KLF12: variants seen among roughly 807,000 people sequenced by gnomAD.
KLF12 encodes the protein Krueppel-like factor 12.
KLF12 carries 9 observed loss-of-function variants against 37.8 expected under a neutral mutation model. The observed-to-expected ratio is 0.24, with a 90% CI of 0.14 to 0.42. The LOEUF (loss-of-function observed/expected upper bound fraction) is 0.42, where lower values mean the gene tolerates loss of function less well. KLF12 is among the 10% of genes least tolerant of loss of function. KLF12 has a pLI of 1.00. For missense variants in KLF12, 411 were observed against 516.0 expected (o/e 0.80, Z 1.97); for synonymous variants, 208 against 202.1 (o/e 1.03, Z -0.25).
At chr13:74,163,242 A>G in the KLF12 span, among the ~76,000 whole-genome samples, 2 of 152,218 alleles carry the variant, frequency 1.3e-5, no homozygotes, top group African/African-American at 4.8e-5. Context: ...TATACACCCA[A>G]AAGAAAGAAA....
At chr13:73,730,957 G>C (rs767879917) in intron 6 of KLF12, among the ~76,000 whole-genome samples, 9 of 152,104 alleles carry the variant, frequency 5.9e-5, no homozygotes, top group Non-Finnish European at 2.9e-5. Flanking sequence ...TTTAGTTTTA[G>C]AAGGAAAATT....
chr13:73,954,581 G>A (rs928101755), intron 2 of KLF12, among the ~76,000 whole-genome samples: 2 of 152,198 alleles, frequency 1.3e-5, no homozygotes, highest in South Asian at 4.1e-4. Context: ...TACTAACTAA[G>A]TTGTAGCAGT....
Position 74,039,062 on chromosome 13 carries a change from G to A in KLF12, c.-31-44009C>T, listed in dbSNP as rs371698666. ...CTGGAAAGGTTTTGTAAAAGCAGACGATTTCATTTTAAATTCATTTTAAAT... is the reference window on the plus strand; with the variant it reads ...CTGGAAAGGTTTTGTAAAAGCAGACAATTTCATTTTAAATTCATTTTAAAT... On this transcript the variant is annotated intron_variant, in intron 1 of 7. Transcript: ENST00000377669. Among the ~76,000 whole-genome samples the A allele has an allele frequency of 1.1e-4, 15 of 134,620 alleles. No homozygotes were observed. In the East Asian group the frequency reaches 1.7e-3, roughly 16 times the overall value. The allele number at this position is 134,620 out of a possible 152,430, so 88.3% of individuals were successfully genotyped here. A position where few individuals can be genotyped will look rare whatever the true frequency, so the allele number is the denominator to read the frequency against.
chr13:74,190,650 C>T, the KLF12 span, among the ~76,000 whole-genome samples: 2 of 152,190 alleles, frequency 1.3e-5, no homozygotes, highest in South Asian at 4.1e-4. Context: ...GATGTTCTTA[C>T]AGTCTTCAAA....
At chr13:74,199,503 A>G in the KLF12 span, among the ~76,000 whole-genome samples, 1 of 152,202 alleles carries the variant, frequency 6.6e-6, no homozygotes, top group Admixed American at 6.5e-5. Context: ...CATGTAGTGC[A>G]CTATTAATAA....
chr13:73,934,822 A>G (rs910367612), intron 3 of KLF12, among the ~76,000 whole-genome samples: 1 of 151,940 alleles, frequency 6.6e-6, no homozygotes, highest in Non-Finnish European at 1.5e-5. Context: ...CCTCTTCTTG[A>G]AAGTCCAATT....
the KLF12 span, among the ~76,000 whole-genome samples, chr13:74,155,472 C>T: frequency 6.6e-6 from 1 of 152,044 alleles, no homozygotes; most frequent in Non-Finnish European, 1.5e-5. Flanking sequence ...AGCAATTCTC[C>T]TGCCTCAGCA....
the KLF12 span, among the ~76,000 whole-genome samples, chr13:74,252,481 G>C: frequency 3.9e-5 from 6 of 152,140 alleles, no homozygotes; most frequent in Non-Finnish European, 7.3e-5. Flanking sequence ...GTCACTAACT[G>C]CCTCTACAAC....
At chr13:74,255,112 AAAT>A in the KLF12 span, among the ~76,000 whole-genome samples, 1 of 152,232 alleles carries the variant, frequency 6.6e-6, no homozygotes, top group Non-Finnish European at 1.5e-5. Context: ...TTAGCATTAA[AAAT>A]AATATATCTT....
chr13:74,154,844 A>G, the KLF12 span, among the ~76,000 whole-genome samples: 1 of 152,152 alleles, frequency 6.6e-6, no homozygotes, highest in Non-Finnish European at 1.5e-5. Context: ...CTATATCACT[A>G]TGGGTTCTCC....
intron 1 of KLF12, among the ~76,000 whole-genome samples, chr13:74,064,876 G>A (rs1177903098): frequency 6.6e-6 from 1 of 152,106 alleles, no homozygotes; most frequent in Non-Finnish European, 1.5e-5. Context: ...CAGAATCAAT[G>A]TTAGTTTTAT....
chr13:74,249,878 G>C, the KLF12 span, among the ~76,000 whole-genome samples: 4 of 152,192 alleles, frequency 2.6e-5, no homozygotes, highest in Admixed American at 2.0e-4. Context: ...CCTGAGGCTG[G>C]GGGACAGGGC....
chr13:73,831,616 C>T (rs773630570), intron 4 of KLF12, among the ~76,000 whole-genome samples: 3 of 152,140 alleles, frequency 2.0e-5, no homozygotes, highest in Non-Finnish European at 4.4e-5. Context: ...TTGCTCCCAT[C>T]CAGAAAGACC....
intron 3 of KLF12, among the ~76,000 whole-genome samples, chr13:73,869,873 T>C (rs181485399): frequency 6.6e-6 from 1 of 152,296 alleles, no homozygotes; most frequent in East Asian, 1.9e-4. Flanking sequence ...TACTGAACAG[T>C]TCTGTGGCCC....
At chr13:73,874,041 C>G (rs147886719) in intron 3 of KLF12, among the ~76,000 whole-genome samples, 2 of 152,096 alleles carry the variant, frequency 1.3e-5, no homozygotes, top group Non-Finnish European at 2.9e-5. Context: ...ATGGAAAAGG[C>G]AAGGTCGAGG....
At chr13:73,962,513 C>T (rs1891050417) in intron 2 of KLF12, among the ~76,000 whole-genome samples, 1 of 152,190 alleles carries the variant, frequency 6.6e-6, no homozygotes. Context: ...GTAGGTTCAT[C>T]CATTGTAACA....
chr13:74,095,709 G>A (rs774559214), intron 1 of KLF12, among the ~76,000 whole-genome samples: 5 of 152,182 alleles, frequency 3.3e-5, no homozygotes, highest in African/African-American at 4.8e-5. Context: ...ACTTTTAAGA[G>A]AAATGTTTAT....
chr13:73,745,573 G>A (rs576304629), intron 6 of KLF12, among the ~76,000 whole-genome samples: 2 of 152,266 alleles, frequency 1.3e-5, no homozygotes, highest in South Asian at 4.2e-4. Flanking sequence ...AGTATCACAT[G>A]TGATAATTAC....
chr13:74,198,661 A>G, the KLF12 span, among the ~76,000 whole-genome samples: 1 of 152,064 alleles, frequency 6.6e-6, no homozygotes, highest in Non-Finnish European at 1.5e-5. Flanking sequence ...TTTTTATTGT[A>G]TTTTACAAAA....
Sources: allele counts gnomAD v4.1 joint callset (sites outside exome capture counted in the v4.1 genomes callset), GRCh38; gene constraint gnomAD v4.1.1; transcripts MANE v1.5; gene names NCBI Gene and HGNC (gene_info 2026-07-23, HGNC 2026-07-21).